SLC44A1: variants seen among roughly 807,000 people sequenced by gnomAD.
The protein encoded by SLC44A1 is choline transporter-like protein 1.
In SLC44A1, 26 loss-of-function variants were observed where a neutral mutation model predicts 79.3. The observed-to-expected ratio is 0.33, with a 90% confidence interval of 0.24 to 0.46. The LOEUF is 0.46. Ranked by LOEUF, SLC44A1 falls within the 20% of genes least tolerant of loss-of-function variation. SLC44A1 has a pLI of 1.00. For synonymous variants in SLC44A1, 263 were observed against 286.2 expected (o/e 0.92, Z 0.82); for missense variants, 688 against 798.1 (o/e 0.86, Z 1.66).
In SLC44A1 at chr9:105,358,349, T is replaced by G. The variant is rs1339797640; in HGVS notation, c.676T>G (p.Ser226Ala). 6.5e-7 allele frequency: 1 copy of G among 1,531,244 alleles called. No individual in the cohort carries two copies. The highest frequency in any genetic ancestry group is 9.0e-7 in the Non-Finnish European group (1 of 1,105,370). The allele number at this position is 1,531,244 out of a possible 1,614,324, so 94.9% of individuals were successfully genotyped here. Residue 226 changes from serine to alanine, a missense_variant, in exon 7 of 16, where the codon TCC becomes GCC. By Grantham distance (99) the Ser-to-Ala change is moderately conservative. Coordinates refer to ENST00000374720, the MANE Select transcript of SLC44A1 (RefSeq NM_080546.5). ...GTTCTCTATCTTCCCTGCAGTTCTATCCATGATTTTGATGGTGATAATCAG... is the reference window on the plus strand; with the variant it reads ...GTTCTCTATCTTCCCTGCAGTTCTAGCCATGATTTTGATGGTGATAATCAG... The part of the protein sequence containing the change: ...LGLCLLSLVL[S>A]MILMVIIRYI...
intron 3 of SLC44A1, among the ~76,000 whole-genome samples, chr9:105,330,220 C>T (rs916022727): frequency 6.6e-6 from 1 of 152,170 alleles, no homozygotes; most frequent in African/African-American, 2.4e-5. Flanking sequence ...GATTAGGGAT[C>T]TCCAGGGATC....
At chr9:105,328,529 G>A (rs146014004) in intron 3 of SLC44A1, among the ~76,000 whole-genome samples, 1 of 152,296 alleles carries the variant, frequency 6.6e-6, no homozygotes, top group East Asian at 1.9e-4. Flanking sequence ...ACCAGTGGGA[G>A]ACCAGGCGAA....
intron 13 of SLC44A1, among the ~76,000 whole-genome samples, chr9:105,377,317 G>T (rs1478440832): frequency 6.6e-6 from 1 of 152,078 alleles, no homozygotes; most frequent in Non-Finnish European, 1.5e-5. Flanking sequence ...ATAAGAAAAA[G>T]AATGGAAATG....
intron 12 of SLC44A1, among the ~76,000 whole-genome samples, chr9:105,370,555 A>T (rs1433133641): frequency 6.6e-6 from 1 of 152,228 alleles, no homozygotes; most frequent in Non-Finnish European, 1.5e-5. Context: ...GGAATGGGGC[A>T]GGGTGGGGTG....
chr9:105,353,439 A>G (rs1250615624), intron 5 of SLC44A1, among the ~76,000 whole-genome samples: 3 of 152,186 alleles, frequency 2.0e-5, no homozygotes, highest in African/African-American at 4.8e-5. Context: ...AAAGAAAAAA[A>G]ACACTGAACA....
At position 105,351,666 on chromosome 9, in the gene SLC44A1, G is replaced by GAAAGAAAGAAAGAAAGAAAGAAAA. The variant is rs1316476533; in HGVS notation, c.500+3225_500+3226insAGAAAGAAAGAAAAAAAGAAAGAA. On this transcript the variant is annotated intron_variant, in intron 5 of 15. Transcript: ENST00000374720. ...AGAAAGAAAGAAAGAAAGAAAGAAAGAAAGAAAGAACCAAGAAAAAAATGT... is the reference window on the plus strand; with the variant it reads ...AGAAAGAAAGAAAGAAAGAAAGAAAGAAAGAAAGAAAGAAAGAAAGAAAAAAAGAAAGAACCAAGAAAAAAATGT... 9.3e-5 allele frequency among the ~76,000 whole-genome samples: 14 copies of GAAAGAAAGAAAGAAAGAAAGAAAA among 150,558 alleles called. No individual in the cohort carries two copies. In the East Asian group the frequency reaches 2.7e-3, roughly 29 times the overall value.
intron 15 of SLC44A1, among the ~76,000 whole-genome samples, chr9:105,435,220 A>G (rs1829448804): frequency 6.6e-6 from 1 of 152,186 alleles, no homozygotes; most frequent in South Asian, 2.1e-4. Flanking sequence ...AGGATTGTGG[A>G]ACTGAAAAGG....
Position 105,389,907 on chromosome 9 carries a change from A to C in SLC44A1, c.*851A>C. 3 of 1,522,408 alleles carry C rather than the reference A, an allele frequency of 2.0e-6. No individual in the cohort carries two copies. The highest frequency in any genetic ancestry group is 2.6e-6 in the Non-Finnish European group (3 of 1,136,074). The allele number at this position is 1,522,408 out of a possible 1,614,324, so 94.3% of individuals were successfully genotyped here. On this transcript the variant is annotated 3_prime_UTR_variant, in exon 16 of 16. Transcript: ENST00000374720. ...GTTTCTGTGTATTGATTTGCAGATT[A>C]AGTAATGCTGGGAGGAATAAAGAAG... is the stretch of plus-strand genomic sequence containing the variant.
At chr9:105,328,368 C>T (rs1826647523) in intron 3 of SLC44A1, among the ~76,000 whole-genome samples, 1 of 152,164 alleles carries the variant, frequency 6.6e-6, no homozygotes, top group South Asian at 2.1e-4. Context: ...CCAGCAAAGG[C>T]TTCACTGAGA....
At chr9:105,250,693 C>T (rs1829563020) in intron 1 of SLC44A1, among the ~76,000 whole-genome samples, 1 of 152,074 alleles carries the variant, frequency 6.6e-6, no homozygotes, top group African/African-American at 2.4e-5. Flanking sequence ...AATCTCTTGT[C>T]CTTTCTGTAG....
chr9:105,316,130 T>G (rs1324084220), intron 3 of SLC44A1, among the ~76,000 whole-genome samples: 1 of 152,188 alleles, frequency 6.6e-6, no homozygotes, highest in Non-Finnish European at 1.5e-5. Context: ...AAAATAAACA[T>G]ACTTTTTTTT....
intron 1 of SLC44A1, among the ~76,000 whole-genome samples, chr9:105,284,882 A>G (rs550440845): frequency 6.6e-6 from 1 of 152,198 alleles, no homozygotes; most frequent in African/African-American, 2.4e-5. Context: ...CAGTTTTAGA[A>G]CATTTTTATC....
rs34048538 is a variant in SLC44A1, at chr9:105,390,430, C to CAAAAAAAAAAAAAAAAAAAAAA, written c.*1395_*1396insAAAAAAAAAAAAAAAAAAAAAA. On this transcript the variant is annotated 3_prime_UTR_variant, in exon 16 of 16. Transcript: ENST00000374720. ...TATTGCACTAAATACAGGCTCTGTA[C>CAAAAAAAAAAAAAAAAAAAAAA]AAAAAAAAAAAAAAAAAAAAAGCCT... The CAAAAAAAAAAAAAAAAAAAAAA allele has an allele frequency of 4.4e-6, 3 of 688,816 alleles. 1 individual carries two copies. The highest frequency in any genetic ancestry group is 5.0e-6 in the Non-Finnish European group (3 of 594,728). 42.7% of individuals were successfully genotyped at this position (688,816 alleles called of 1,614,324 possible).
At chr9:105,271,978 T>C (rs896201271) in intron 1 of SLC44A1, among the ~76,000 whole-genome samples, 1 of 152,196 alleles carries the variant, frequency 6.6e-6, no homozygotes, top group Non-Finnish European at 1.5e-5. Context: ...CATAATATTT[T>C]TGTTTCTCTG....
chr9:105,411,848 T>C (rs1215842715), intron 15 of SLC44A1, among the ~76,000 whole-genome samples: 1 of 152,206 alleles, frequency 6.6e-6, no homozygotes, highest in Non-Finnish European at 1.5e-5. Flanking sequence ...GTTTGTCCCA[T>C]TACTGTGTGC....
chr9:105,382,229 A>G (rs1197651182), intron 13 of SLC44A1, among the ~76,000 whole-genome samples: 1 of 152,142 alleles, frequency 6.6e-6, no homozygotes, highest in Non-Finnish European at 1.5e-5. Flanking sequence ...TTCCAAGGCT[A>G]TAAAATGGGA....
At chr9:105,351,362 C>T (rs1477061166) in intron 5 of SLC44A1, among the ~76,000 whole-genome samples, 3 of 151,928 alleles carry the variant, frequency 2.0e-5, no homozygotes, top group East Asian at 1.9e-4. Flanking sequence ...GGTGGAACCT[C>T]GTCTCTACCA....
At chr9:105,268,308 C>T (rs1009501843) in intron 1 of SLC44A1, among the ~76,000 whole-genome samples, 20 of 152,082 alleles carry the variant, frequency 1.3e-4, no homozygotes, top group African/African-American at 3.9e-4. Flanking sequence ...ACCACTGGCT[C>T]GGGATTCAGC....
intron 5 of SLC44A1, among the ~76,000 whole-genome samples, chr9:105,355,128 A>G (rs1827580962): frequency 6.6e-6 from 1 of 152,262 alleles, no homozygotes; most frequent in South Asian, 2.1e-4. Context: ...ATTTTAACAT[A>G]ATGCACATAT....
Sources: gnomAD v4.1 joint callset for allele counts (sites outside exome capture counted in the v4.1 genomes callset) on GRCh38, gnomAD v4.1.1 for gene constraint, MANE v1.5 for transcripts, NCBI Gene and HGNC (gene_info 2026-07-23, HGNC 2026-07-21) for gene names.